PTPRO: variants seen among roughly 807,000 people sequenced by gnomAD.
The protein encoded by PTPRO is receptor-type tyrosine-protein phosphatase O.
PTPRO carries 62 observed loss-of-function variants against 145.2 expected under a neutral mutation model. That is an observed-to-expected ratio of 0.43 (90% CI 0.35 to 0.53). The LOEUF is 0.53. PTPRO is among the 20% of genes least tolerant of loss of function. PTPRO has a pLI of 0.01. For missense variants in PTPRO, 1,345 were observed against 1,482.7 expected, an observed-to-expected ratio of 0.91 and a Z score of 1.53; for synonymous variants, 565 against 514.7, an observed-to-expected ratio of 1.10 and a Z score of -1.32.
intron 1 of PTPRO, among the ~76,000 whole-genome samples, chr12:15,451,178 G>C (rs1941036268): frequency 6.6e-6 from 1 of 151,928 alleles, no homozygotes; most frequent in Non-Finnish European, 1.5e-5. Context: ...GCAAGCAGGA[G>C]TAGCTATTCT....
intron 12 of PTPRO, among the ~76,000 whole-genome samples, chr12:15,534,520 A>G (rs1417179250): frequency 6.6e-6 from 1 of 152,174 alleles, no homozygotes; most frequent in Non-Finnish European, 1.5e-5. Context: ...GAAGGGGAAG[A>G]TGGTAATAGT....
intron 1 of PTPRO, among the ~76,000 whole-genome samples, chr12:15,330,039 TC>T (rs1164866000): frequency 6.6e-6 from 1 of 152,148 alleles, no homozygotes; most frequent in Non-Finnish European, 1.5e-5. Context: ...CAGGGAGACT[TC>T]TACATGCTGA....
chr12:15,497,715 A>G (rs1942137030), intron 3 of PTPRO, among the ~76,000 whole-genome samples: 1 of 152,230 alleles, frequency 6.6e-6, no homozygotes, highest in Non-Finnish European at 1.5e-5. Flanking sequence ...GTTTAGAAGC[A>G]CAAGTAACCG....
chr12:15,464,643 G>A (rs573249580), intron 1 of PTPRO, among the ~76,000 whole-genome samples: 25 of 151,884 alleles, frequency 1.6e-4, no homozygotes, highest in African/African-American at 5.3e-4. Flanking sequence ...ACAGGTATGA[G>A]CCACCGTGCC....
chr12:15,414,915 AT>A lies in PTPRO; in HGVS notation c.76-69058del, dbSNP rs575936761. Among the ~76,000 whole-genome samples, 547 of 152,352 alleles carry A rather than the reference AT, an allele frequency of 3.6e-3. 1 individual carries two copies. Among genetic ancestry groups the A allele is most frequent in the Non-Finnish European group, 5.9e-3 (401 of 68,032 alleles). On this transcript the variant is annotated intron_variant, in intron 1 of 26. Coordinates refer to ENST00000281171, the MANE Select transcript of PTPRO (RefSeq NM_030667.3). ...GATTTTGAATACTAAATTGCTCTAA[AT>A]CCACCTAATGGTTGTTTAAACCTAT...
At chr12:15,553,280 G>A (rs1943520900) in intron 15 of PTPRO, among the ~76,000 whole-genome samples, 1 of 152,280 alleles carries the variant, frequency 6.6e-6, no homozygotes, top group Middle Eastern at 3.4e-3. Flanking sequence ...AAAGATATAA[G>A]TAAAAGGACT....
chr12:15,569,496 G>A lies in PTPRO; in HGVS notation c.2827G>A (p.Glu943Lys). ...TGACTATAAATTTTCTCTTCAGTTTGAGGTGAGTTGGTTAAGGCATTTTCT... is the reference window on the plus strand; with the variant it reads ...TGACTATAAATTTTCTCTTCAGTTTAAGGTGAGTTGGTTAAGGCATTTTCT... ...DSDYKFSLQFEELKLIGLDIP... is the reference protein window; with the variant it reads ...DSDYKFSLQFKELKLIGLDIP... The change falls in exon 19 of 27, where the codon GAG becomes AAG. Residue 943 changes from glutamate (E) to lysine (K), a missense_variant and splice_region_variant. Glu to Lys is a moderately conservative substitution (Grantham distance 56, BLOSUM62 1). This residue lies in a region of PTPRO where 1,130 missense variants were observed against 1,214.7 expected (regional missense o/e 0.93). Coordinates refer to ENST00000281171, the MANE Select transcript of PTPRO (RefSeq NM_030667.3). 6.2e-7 allele frequency: 1 copy of A among 1,610,876 alleles called. No homozygotes were observed.
chr12:15,331,932 T>C (rs896308005), intron 1 of PTPRO, among the ~76,000 whole-genome samples: 5 of 151,982 alleles, frequency 3.3e-5, no homozygotes, highest in African/African-American at 1.2e-4. Context: ...ACTTGTTTGA[T>C]TATAGTATCC....
At chr12:15,335,390 A>G (rs528072918) in intron 1 of PTPRO, among the ~76,000 whole-genome samples, 150 of 152,234 alleles carry the variant, frequency 9.9e-4, no homozygotes, top group Middle Eastern at 3.4e-3. Flanking sequence ...TAGAAAAAAA[A>G]GGTTTTTATG....
At chr12:15,516,163 T>C (rs1324967597) in intron 8 of PTPRO, among the ~76,000 whole-genome samples, 1 of 150,916 alleles carries the variant, frequency 6.6e-6, no homozygotes, top group African/African-American at 2.4e-5. Flanking sequence ...GCTAATTTTT[T>C]GTATTTTTAG....
chr12:15,579,336 T>C (rs781727817), intron 20 of PTPRO, among the ~76,000 whole-genome samples: 1 of 152,204 alleles, frequency 6.6e-6, no homozygotes, highest in Non-Finnish European at 1.5e-5. Context: ...TGACAAGTTA[T>C]ATAGTTGCTT....
chr12:15,549,203 C>T lies in PTPRO; in HGVS notation c.2414C>T (p.Thr805Met), dbSNP rs572954580. 1.9e-5 allele frequency: 30 copies of T among 1,608,264 alleles called. No individual in the cohort carries two copies. The East Asian group carries it at 5.1e-4, about 28-fold the overall frequency. The change falls in exon 14 of 27, where the codon ACG becomes ATG. Residue 805 changes from threonine (T) to methionine (M), a missense_variant. Physicochemically the swap from Thr to Met is moderately conservative, Grantham distance 81 (BLOSUM62 -1). Coordinates refer to ENST00000281171, the MANE Select transcript of PTPRO (RefSeq NM_030667.3). ...AGCCATGACAGCCCCAGTGTCCCTA[C>T]GTTCATAGCCGTCTCAACAATGGGT... Reference protein sequence around the residue: ...SFSHDSPSVPTFIAVSTMVTE... With the variant: ...SFSHDSPSVPMFIAVSTMVTE...
rs138834507 is a variant in PTPRO at position 15,368,106 on chromosome 12, C to T, written c.75+45305C>T. The stretch of plus-strand genomic sequence containing the variant: ...TGTCACTACAATAAGCTGCAAAACT[C>T]GCCAGGGTCTGGACTCCTCCGTGTT... On this transcript the variant is annotated intron_variant, in intron 1 of 26. Transcript: ENST00000281171. 4.7e-3 allele frequency among the ~76,000 whole-genome samples: 721 copies of T among 152,254 alleles called. 2 individuals carry two copies. The highest frequency in any genetic ancestry group is 9.1e-3 in the Admixed American group (139 of 15,294).
intron 1 of PTPRO, among the ~76,000 whole-genome samples, chr12:15,423,527 T>G (rs1488579212): frequency 6.6e-6 from 1 of 152,120 alleles, no homozygotes; most frequent in Non-Finnish European, 1.5e-5. Flanking sequence ...TTCTATGCAC[T>G]TACATATTTT....
chr12:15,352,079 G>A (rs1454707570), intron 1 of PTPRO, among the ~76,000 whole-genome samples: 1 of 152,152 alleles, frequency 6.6e-6, no homozygotes, highest in Non-Finnish European at 1.5e-5. Flanking sequence ...CTTTGAGGAA[G>A]CACCTCATTA....
chr12:15,545,124 C>G (rs1042172553), intron 12 of PTPRO, among the ~76,000 whole-genome samples: 1 of 152,018 alleles, frequency 6.6e-6, no homozygotes, highest in Non-Finnish European at 1.5e-5. Flanking sequence ...CAAATCTTTC[C>G]ACACAAAGAT....
intron 1 of PTPRO, among the ~76,000 whole-genome samples, chr12:15,325,503 G>C (rs1313591160): frequency 6.6e-6 from 1 of 151,954 alleles, no homozygotes; most frequent in Non-Finnish European, 1.5e-5. Context: ...ACACAATGTT[G>C]GTTATGAAAA....
intron 1 of PTPRO, among the ~76,000 whole-genome samples, chr12:15,455,999 A>G (rs253798): frequency 0.89 from 135,630 of 152,198 alleles, 62,057 homozygotes; most frequent in Non-Finnish European, 0.99. Context: ...AGAACTTAAA[A>G]CATAATTTAA....
chr12:15,323,662 T>C (rs1472169182), intron 1 of PTPRO, among the ~76,000 whole-genome samples: 1 of 152,212 alleles, frequency 6.6e-6, no homozygotes, highest in Non-Finnish European at 1.5e-5. Context: ...GTGGATCTAC[T>C]TTAGTTCTGT....
Sources: gnomAD v4.1 joint callset for allele counts (sites outside exome capture counted in the v4.1 genomes callset) on GRCh38, gnomAD v4.1.1 for gene constraint, gnomAD v4.1.1 regional missense constraint, MANE v1.5 for transcripts, NCBI Gene and HGNC (gene_info 2026-07-23, HGNC 2026-07-21) for gene names.